The following SLC2A9 variants were observed in gnomAD, a reference collection of about 807,000 sequenced individuals.
SLC2A9 encodes solute carrier family 2, facilitated glucose transporter member 9.
SLC2A9 carries 39 observed loss-of-function variants against 50.6 expected under a neutral mutation model. The observed-to-expected ratio is 0.77, with a 90% CI of 0.60 to 1.01. The LOEUF is 1.01. Among genes scored for constraint, SLC2A9 ranks in the 50% least tolerant of loss-of-function variants. The pLI, the probability that SLC2A9 is intolerant of heterozygous loss-of-function variation, is 0.00. For synonymous variants in SLC2A9, 324 were observed against 276.9 expected, an observed-to-expected ratio of 1.17 and a Z score of -1.69; for missense variants, 686 against 677.6, an observed-to-expected ratio of 1.01 and a Z score of -0.14.
chr4:9,811,628 T>C (rs573722807), intron 3 of SLC2A9, among the ~76,000 whole-genome samples: 79 of 152,302 alleles, frequency 5.2e-4, no homozygotes, highest in Admixed American at 1.4e-3. Flanking sequence ...AAATGACTGA[T>C]TAAATTCAGG....
At chr4:9,784,676 C>T (rs1339433064) in intron 3 of SLC2A9, among the ~76,000 whole-genome samples, 1 of 152,216 alleles carries the variant, frequency 6.6e-6, no homozygotes, top group Non-Finnish European at 1.5e-5. Flanking sequence ...TTTTTCCTCT[C>T]TGCAGTGTGC....
intron 3 of SLC2A9, among the ~76,000 whole-genome samples, chr4:9,792,129 A>T (rs966922125): frequency 8.1e-5 from 12 of 147,542 alleles, no homozygotes; most frequent in African/African-American, 3.0e-4. Context: ...CTATTCCAGG[A>T]TACAAACCAG....
chr4:9,882,492 A>G (rs1415358958), intron 10 of SLC2A9, among the ~76,000 whole-genome samples: 1 of 152,040 alleles, frequency 6.6e-6, no homozygotes, highest in Non-Finnish European at 1.5e-5. Context: ...GCGGATCACG[A>G]GGTCAGGTGA....
rs546794894 is a variant in SLC2A9 at position 9,774,022 on chromosome 4, C to T, written n.182-2653G>A. On this transcript the variant is annotated intron_variant and non_coding_transcript_variant, in intron 1 of 1. Transcript: ENST00000508585. ...TTTTTTTTTTTTTAAGATAGTCTTGCTCTGTCTCATCTCCCAGGCTGGAGT... is the reference window on the plus strand; with the variant it reads ...TTTTTTTTTTTTTAAGATAGTCTTGTTCTGTCTCATCTCCCAGGCTGGAGT... 2.2e-5 allele frequency among the ~76,000 whole-genome samples: 3 copies of T among 136,936 alleles called. No homozygotes were observed. In the East Asian group the frequency reaches 6.7e-4, roughly 30 times the overall value. The allele number at this position is 136,936 out of a possible 152,430, so 89.8% of individuals were successfully genotyped here.
chr4:9,924,449 C>T (rs1026741758), intron 6 of SLC2A9, among the ~76,000 whole-genome samples: 9 of 152,334 alleles, frequency 5.9e-5, no homozygotes, highest in African/African-American at 2.2e-4. Flanking sequence ...GTGAGTCCTA[C>T]GCTGTCCCCC....
chr4:9,918,541 T>C (rs550705868), intron 7 of SLC2A9, among the ~76,000 whole-genome samples: 2 of 152,354 alleles, frequency 1.3e-5, no homozygotes, highest in Non-Finnish European at 2.9e-5. Context: ...CAAATCCTTT[T>C]ACTATTCCTC....
intron 11 of SLC2A9, among the ~76,000 whole-genome samples, chr4:9,830,232 A>G (rs1725856109): frequency 6.6e-6 from 1 of 152,242 alleles, no homozygotes; most frequent in African/African-American, 2.4e-5. Flanking sequence ...ATGGAGCTGG[A>G]AGCTGTTACC....
intron 10 of SLC2A9, among the ~76,000 whole-genome samples, chr4:9,851,440 T>C (rs1193026990): frequency 6.6e-6 from 1 of 152,136 alleles, no homozygotes; most frequent in Non-Finnish European, 1.5e-5. Context: ...GTCAGTAGCC[T>C]CAAAGATTGT....
chr4:9,842,629 A>C (rs1728258497), intron 10 of SLC2A9, among the ~76,000 whole-genome samples: 1 of 152,186 alleles, frequency 6.6e-6, no homozygotes, highest in South Asian at 2.1e-4. Context: ...CTCTCATTTC[A>C]AAAGAACAGA....
chr4:9,958,628 C>T (rs923163483), intron 5 of SLC2A9, among the ~76,000 whole-genome samples: 1 of 152,148 alleles, frequency 6.6e-6, no homozygotes, highest in South Asian at 2.1e-4. Context: ...TATCGCAGAA[C>T]TTAAAGTACA....
rs558994600 is a variant in SLC2A9 at position 9,916,045 on chromosome 4, C to T, written c.1002+4340G>A. 3.8e-4 allele frequency among the ~76,000 whole-genome samples: 58 copies of T among 152,264 alleles called. No homozygotes were observed. The Middle Eastern group carries it at 0.014, about 36-fold the overall frequency. ...AACACATCTAAAGTTTTCATGTCTC[C>T]TTCCCCTTGTTCCTCCCAGTCACCT... On this transcript the variant is annotated intron_variant, in intron 7 of 11. Coordinates refer to ENST00000264784, the MANE Select transcript of SLC2A9 (RefSeq NM_020041.3).
At chr4:10,028,077 C>T (rs1763813131) in intron 1 of SLC2A9, among the ~76,000 whole-genome samples, 2 of 152,134 alleles carry the variant, frequency 1.3e-5, no homozygotes. Flanking sequence ...TGGGCCCCTC[C>T]AGGAGGGTTT....
intron 10 of SLC2A9, among the ~76,000 whole-genome samples, chr4:9,849,708 A>C (rs1348455486): frequency 6.6e-6 from 1 of 152,190 alleles, no homozygotes; most frequent in Admixed American, 6.5e-5. Flanking sequence ...GAGTGTGGAC[A>C]GTTAATTAGC....
At chr4:9,825,932 T>C (rs938557), downstream of SLC2A9, among the ~76,000 whole-genome samples, 143,318 of 152,310 alleles carry the variant, frequency 0.94, 67,712 homozygotes, top group Non-Finnish European at 0.96. Context: ...GGCACTGGGA[T>C]CCAGGTTGAG....
intron 8 of SLC2A9, among the ~76,000 whole-genome samples, chr4:9,898,667 T>C (rs1322614877): frequency 6.6e-6 from 1 of 152,206 alleles, no homozygotes; most frequent in Non-Finnish European, 1.5e-5. Flanking sequence ...ATTCTTCTGA[T>C]TTACATAATC....
At chr4:9,949,304 G>A (rs1749770874) in intron 5 of SLC2A9, among the ~76,000 whole-genome samples, 1 of 152,164 alleles carries the variant, frequency 6.6e-6, no homozygotes, top group African/African-American at 2.4e-5. Flanking sequence ...TGGGGAGGAT[G>A]AATGACAGCA....
chr4:9,870,133 G>A (rs1393109283), intron 10 of SLC2A9, among the ~76,000 whole-genome samples: 2 of 152,230 alleles, frequency 1.3e-5, no homozygotes, highest in African/African-American at 2.4e-5. Flanking sequence ...TCCCCTCAGA[G>A]CCTCTGCAGG....
chr4:9,833,744 G>T (rs933987844), intron 11 of SLC2A9, among the ~76,000 whole-genome samples: 1 of 152,180 alleles, frequency 6.6e-6, no homozygotes, highest in African/African-American at 2.4e-5. Context: ...TGAGTGTCCA[G>T]AATAGTTGGT....
At position 9,888,964 on chromosome 4, in the gene SLC2A9, G is replaced by A. The variant is rs927934633; in HGVS notation, c.1216-1322C>T. Among the ~76,000 whole-genome samples the A allele has an allele frequency of 8.5e-5, 13 of 152,272 alleles. No homozygotes were observed. In the East Asian group the frequency reaches 2.3e-3, roughly 27 times the overall value. The stretch of plus-strand genomic sequence containing the variant: ...TGATCCGAGCTGCCCCTGGGTGCCA[G>A]GCACTGGGATGGGAGGTGGAAATGC... On this transcript the variant is annotated intron_variant, in intron 9 of 11. Transcript: ENST00000264784.
Sources: gnomAD v4.1 joint callset for allele counts (sites outside exome capture counted in the v4.1 genomes callset) on GRCh38, gnomAD v4.1.1 for gene constraint, MANE v1.5 for transcripts, NCBI Gene and HGNC (gene_info 2026-07-23, HGNC 2026-07-21) for gene names.